Variants in UGT1A6 observed in about 807,000 individuals in gnomAD.
UGT1A6 encodes the protein UDP-glucuronosyltransferase 1A6.
Under a neutral mutation model 44.4 loss-of-function variants are expected in UGT1A6, and 32 were observed. The observed-to-expected ratio is 0.72, with a 90% CI of 0.54 to 0.97. The LOEUF is 0.97. Ranked by LOEUF, UGT1A6 falls within the 50% of genes least tolerant of loss-of-function variation. The pLI is 0.00. For missense variants in UGT1A6, 685 were observed against 661.9 expected (o/e 1.03, Z -0.38); for synonymous variants, 238 against 248.5 (o/e 0.96, Z 0.40).
chr2:233,702,086 A>G (rs1193659168), intron 1 of UGT1A6, among the ~76,000 whole-genome samples: 1 of 152,166 alleles, frequency 6.6e-6, no homozygotes, highest in African/African-American at 2.4e-5. Flanking sequence ...ATAGTCACAG[A>G]TTTGTACAAC....
intron 1 of UGT1A6, among the ~76,000 whole-genome samples, chr2:233,763,176 T>C (rs1474049260): frequency 6.6e-6 from 1 of 152,268 alleles, no homozygotes; most frequent in Admixed American, 6.5e-5. Context: ...GTTGACTACA[T>C]ATTTGTTGTT....
intron 1 of UGT1A6, chr2:233,760,610 G>T (rs1389365341): frequency 1.2e-6 from 2 of 1,614,182 alleles, no homozygotes; most frequent in South Asian, 2.2e-5. Flanking sequence ...TTCCTGCAGC[G>T]TGTGATCAAA....
intron 4 of UGT1A6, 105 bp downstream of exon 4, chr2:233,768,544 TAA>T: frequency 7.0e-7 from 1 of 1,425,890 alleles, no homozygotes; most frequent in Non-Finnish European, 9.3e-7. Flanking sequence ...GTTTCAAATA[TAA>T]AAACAAATAC....
At chr2:233,745,676 C>T (rs28900379) in intron 1 of UGT1A6, among the ~76,000 whole-genome samples, 3,652 of 149,480 alleles carry the variant, frequency 0.024, 62 homozygotes, top group Non-Finnish European at 0.032. Flanking sequence ...AATTTGGGAA[C>T]ATCAAAGCAA....
rs1378719949 is a variant in UGT1A6, at chr2:233,755,434, G to A, written c.862-11600G>A. 1.3e-5 allele frequency: 4 copies of A among 316,454 alleles called. No homozygotes were observed. In the East Asian group the frequency reaches 3.3e-4, roughly 26 times the overall value. The allele number at this position is 316,454 out of a possible 1,614,324, so 19.6% of individuals were successfully genotyped here. A position where few individuals can be genotyped will look rare whatever the true frequency, so the allele number is the denominator to read the frequency against. ...GGCCTGTGAGCGCCTCGCATCCCAA[G>A]ATGCAGTGCTCCTGGGACTGGCCCT... On this transcript the variant is annotated intron_variant, in intron 1 of 4. Coordinates refer to ENST00000305139, the MANE Select transcript of UGT1A6 (RefSeq NM_001072.4).
chr2:233,754,715 GCCTGTC>G, intron 1 of UGT1A6: 1 of 549,762 alleles, frequency 1.8e-6, no homozygotes, highest in Non-Finnish European at 3.3e-6. Flanking sequence ...ACTTGAAGCT[GCCTGTC>G]CCATCACTAC....
At chr2:233,757,301 G>T (rs1209658771) in intron 1 of UGT1A6, among the ~76,000 whole-genome samples, 1 of 149,508 alleles carries the variant, frequency 6.7e-6, no homozygotes, top group Non-Finnish European at 1.5e-5. Context: ...TGGGGGTTGG[G>T]GGACAGGGGG....
intron 1 of UGT1A6, among the ~76,000 whole-genome samples, chr2:233,745,202 AGAT>A (rs1693037434): frequency 6.6e-6 from 1 of 151,858 alleles, no homozygotes; most frequent in Admixed American, 6.5e-5. Flanking sequence ...ACAACCAGGG[AGAT>A]CCTCTCAGAC....
In UGT1A6 at chr2:233,769,600, G is replaced by A. The variant is rs36059993; in HGVS notation, c.1301+1161G>A. 2,963 of 1,612,786 alleles carry A rather than the reference G, an allele frequency of 1.8e-3. 49 individuals are homozygous for A. In the African/African-American group the frequency reaches 0.035, roughly 19 times the overall value. ...GTTCAGATGAGAGGAGACGGAACAC[G>A]GGGACACACCAGCTTGAGCAAGGGA... is the stretch of plus-strand genomic sequence containing the variant. On this transcript the variant is annotated intron_variant, in intron 4 of 4. Transcript: ENST00000305139. The surrounding 1 kb of genome is among the most constrained non-coding windows in gnomAD (Gnocchi z 4.4).
chr2:233,693,452 G>A lies in UGT1A6; in HGVS notation c.448G>A (p.Asp150Asn). 1 of 1,614,126 alleles carries A rather than the reference G, an allele frequency of 6.2e-7. No individual in the cohort carries two copies. Among genetic ancestry groups the A allele is most frequent in the South Asian group, 1.1e-5 (1 of 91,070 alleles). ...GAGCAAGTTTGATGCTCTTTTCACA[G>A]ACCCAGCCTTACCCTGTGGGGTGAT... The part of the protein sequence containing the change: ...KESKFDALFT[D>N]PALPCGVILA... The change falls in exon 1 of 5, where the codon GAC becomes AAC. Residue 150 changes from aspartate (D) to asparagine (N), a missense_variant. By Grantham distance (23) the Asp-to-Asn change is conservative. Transcript: ENST00000305139.
Position 233,772,595 on chromosome 2 carries a change from T to C in UGT1A6, c.*36T>C. On this transcript the variant is annotated 3_prime_UTR_variant, in exon 5 of 5. Transcript: ENST00000305139. ...GGAAATAAGGTAAAATTTTGAACCA[T>C]TCCCTAGTCATTTCCAAACTTGAAA... 1 of 1,596,790 alleles carries C rather than the reference T, an allele frequency of 6.3e-7. No homozygotes were observed. Among genetic ancestry groups the C allele is most frequent in the Non-Finnish European group, 8.5e-7 (1 of 1,170,806 alleles).
Position 233,772,359 on chromosome 2 carries a change from C to T in UGT1A6, c.1399C>T (p.His467Tyr), listed in dbSNP as rs1559420158. 1 of 1,614,248 alleles carries T rather than the reference C, an allele frequency of 6.2e-7. No individual in the cohort carries two copies. The highest frequency in any genetic ancestry group is 8.5e-7 in the Non-Finnish European group (1 of 1,180,052). ...GTTCTGGGTGGAGTTTGTGATGAGG[C>T]ACAAGGGCGCGCCACACCTGCGCCC... ...AVFWVEFVMR[H>Y]KGAPHLRPAA... Residue 467 changes from histidine (H) to tyrosine (Y), a missense_variant, in exon 5 of 5, where the codon CAC (histidine) becomes TAC (tyrosine). His to Tyr is a moderately conservative substitution (Grantham distance 83). Coordinates refer to ENST00000305139, the MANE Select transcript of UGT1A6 (RefSeq NM_001072.4).
At chr2:233,766,993 T>C in intron 1 of UGT1A6, 41 bp from the exon 2 acceptor site, 1 of 1,613,496 alleles carries the variant, frequency 6.2e-7, no homozygotes, top group South Asian at 1.1e-5. Context: ...CATCAAAGAA[T>C]ATGAGAAAAA....
At chr2:233,736,685 C>G (rs1295548714) in intron 1 of UGT1A6, among the ~76,000 whole-genome samples, 6 of 152,124 alleles carry the variant, frequency 3.9e-5, no homozygotes, top group African/African-American at 1.4e-4. Flanking sequence ...TGTTGGTGAC[C>G]TACAGATGGG....
At chr2:233,746,478 T>C (rs1007346584) in intron 1 of UGT1A6, among the ~76,000 whole-genome samples, 1 of 151,746 alleles carries the variant, frequency 6.6e-6, no homozygotes, top group Non-Finnish European at 1.5e-5. Flanking sequence ...AGAAACACTT[T>C]CCATGGACAT....
At chr2:233,743,749 C>G (rs937168653) in intron 1 of UGT1A6, 24 of 1,367,282 alleles carry the variant, frequency 1.8e-5, no homozygotes, top group Non-Finnish European at 2.3e-5. Context: ...TGGCGTCCGA[C>G]AACACCTCGT....
intron 1 of UGT1A6, among the ~76,000 whole-genome samples, chr2:233,731,794 A>G (rs1329897659): frequency 6.6e-6 from 1 of 152,192 alleles, no homozygotes; most frequent in African/African-American, 2.4e-5. Context: ...GTTTGGGTAT[A>G]TACCCAGTAA....
chr2:233,713,502 T>C lies in UGT1A6; in HGVS notation c.861+19637T>C. The C allele has an allele frequency of 6.2e-7, 1 of 1,613,988 alleles. No homozygotes were observed. The highest frequency in any genetic ancestry group is 8.5e-7 in the Non-Finnish European group (1 of 1,179,898). On this transcript the variant is annotated intron_variant, in intron 1 of 4. Coordinates refer to ENST00000305139, the MANE Select transcript of UGT1A6 (RefSeq NM_001072.4). ...TAAGTACCTGTCGATTCCTGCTGTG[T>C]TTTTCTTGAGGAACATTCCATGTGA...
intron 1 of UGT1A6, chr2:233,713,922 A>G (rs1251047267): frequency 1.2e-6 from 2 of 1,612,068 alleles, no homozygotes; most frequent in Non-Finnish European, 1.7e-6. Flanking sequence ...AAATGTATTT[A>G]CTTACAAGTG....
Sources: allele counts gnomAD v4.1 joint callset (sites outside exome capture counted in the v4.1 genomes callset), GRCh38; gene constraint gnomAD v4.1.1; non-coding constraint Gnocchi (gnomAD v3.1); transcripts MANE v1.5; gene names NCBI Gene and HGNC (gene_info 2026-07-23, HGNC 2026-07-21).